TMEM45B: variants seen among roughly 807,000 people sequenced by gnomAD.
The protein encoded by TMEM45B is transmembrane protein 45B.
In TMEM45B, 29 loss-of-function variants were observed where a neutral mutation model predicts 27.3. That is an observed-to-expected ratio of 1.06 (90% CI 0.79 to 1.45). The LOEUF is 1.45. TMEM45B is among the 40% of genes most tolerant of loss of function. The probability of loss-of-function intolerance (pLI) is 0.00; values close to 1 mark genes in which losing one functional copy is unlikely to be tolerated. For missense variants in TMEM45B, 348 were observed against 343.9 expected (o/e 1.01, Z -0.09); for synonymous variants, 143 against 134.7 (o/e 1.06, Z -0.43).
At chr11:129,816,022 G>C (rs1373569540) in intron 1 of TMEM45B, 124 bp downstream of exon 1, 1 of 1,225,312 alleles carries the variant, frequency 8.2e-7, no homozygotes, top group Non-Finnish European at 1.0e-6. Context: ...CTGCGGGGGA[G>C]GGGACGCGGA....
chr11:129,856,660 C>G (rs1410722481), intron 4 of TMEM45B, among the ~76,000 whole-genome samples: 1 of 143,606 alleles, frequency 7.0e-6, no homozygotes, highest in Non-Finnish European at 1.5e-5. Flanking sequence ...CCCAGGTTCA[C>G]GCCATTCTCC....
At chr11:129,827,834 G>A (rs1250130289) in intron 1 of TMEM45B, among the ~76,000 whole-genome samples, 1 of 152,118 alleles carries the variant, frequency 6.6e-6, no homozygotes, top group Non-Finnish European at 1.5e-5. Flanking sequence ...GCCGAGCGTG[G>A]TGGTGCACAC....
intron 1 of TMEM45B, among the ~76,000 whole-genome samples, chr11:129,844,867 C>G (rs1023153804): frequency 6.6e-6 from 1 of 151,732 alleles, no homozygotes; most frequent in South Asian, 2.1e-4. Flanking sequence ...TGTTATATAC[C>G]CTGAGTATAT....
At chr11:129,817,470 A>G (rs184063270) in intron 1 of TMEM45B, among the ~76,000 whole-genome samples, 1 of 152,194 alleles carries the variant, frequency 6.6e-6, no homozygotes, top group Admixed American at 6.5e-5. Flanking sequence ...CTGATTTTAC[A>G]AGTGGAGGTG....
At chr11:129,848,514 A>T (rs1947800845) in intron 1 of TMEM45B, among the ~76,000 whole-genome samples, 1 of 150,512 alleles carries the variant, frequency 6.6e-6, no homozygotes, top group African/African-American at 2.5e-5. Context: ...AAAGAGAGGG[A>T]GAGGGAGAGG....
intron 1 of TMEM45B, among the ~76,000 whole-genome samples, chr11:129,827,623 G>C (rs1489882486): frequency 6.6e-6 from 1 of 152,122 alleles, no homozygotes; most frequent in African/African-American, 2.4e-5. Flanking sequence ...GACCAACATG[G>C]AGAAACCCCG....
intron 1 of TMEM45B, among the ~76,000 whole-genome samples, chr11:129,828,726 A>G (rs1947515399): frequency 6.6e-6 from 1 of 152,190 alleles, no homozygotes; most frequent in African/African-American, 2.4e-5. Context: ...GAATGTAGAA[A>G]AACGATGAAA....
intron 1 of TMEM45B, among the ~76,000 whole-genome samples, chr11:129,852,031 T>C (rs11221881): frequency 0.54 from 82,678 of 152,078 alleles, 22,594 homozygotes; most frequent in Middle Eastern, 0.6. Flanking sequence ...TTCTTATCAA[T>C]TTGTAAAGAC....
intron 5 of TMEM45B, among the ~76,000 whole-genome samples, chr11:129,857,716 T>C (rs1947950975): frequency 6.6e-6 from 1 of 152,188 alleles, no homozygotes; most frequent in South Asian, 2.1e-4. Flanking sequence ...TTTAAGCCTA[T>C]GGTGTGGTGG....
intron 1 of TMEM45B, among the ~76,000 whole-genome samples, chr11:129,819,785 A>ACCCT (rs1269805592): frequency 6.6e-6 from 1 of 151,038 alleles, no homozygotes; most frequent in East Asian, 2.0e-4. Flanking sequence ...TGAACTCCTG[A>ACCCT]CCCTGTGATC....
At chr11:129,848,550 A>T (rs1591448493) in intron 1 of TMEM45B, among the ~76,000 whole-genome samples, 1 of 152,228 alleles carries the variant, frequency 6.6e-6, no homozygotes, top group African/African-American at 2.4e-5. Flanking sequence ...GTTCTTGATG[A>T]TGGGTGGGAC....
chr11:129,851,543 C>CAAA lies in TMEM45B; in HGVS notation c.-8-919_-8-917dup, dbSNP rs71057982. Among the ~76,000 whole-genome samples, 98 of 54,958 alleles carry CAAA rather than the reference C, an allele frequency of 1.8e-3. 15 individuals carry two copies. Among genetic ancestry groups the CAAA allele is most frequent in the African/African-American group, 4.7e-3 (67 of 14,290 alleles). 36.1% of individuals were successfully genotyped at this position (54,958 alleles called of 152,430 possible). A position where few individuals can be genotyped will look rare whatever the true frequency, so the allele number is the denominator to read the frequency against. Reference sequence around the variant, plus strand: ...TGGGTGACAGAGTGAAACTCTGCCTCAAAAAAAAAAAAAAAGTCCCCTTCT... The same window carrying CAAA: ...TGGGTGACAGAGTGAAACTCTGCCTCAAAAAAAAAAAAAAAAAAGTCCCCTTCT... On this transcript the variant is annotated intron_variant, in intron 1 of 5. Coordinates refer to ENST00000281441, the MANE Select transcript of TMEM45B (RefSeq NM_138788.5).
At chr11:129,856,571 TTTTTC>T (rs1369668567) in intron 4 of TMEM45B, among the ~76,000 whole-genome samples, 4 of 86,566 alleles carry the variant, frequency 4.6e-5, no homozygotes, top group Non-Finnish European at 5.0e-5. Context: ...TTTTTTTTTT[TTTTTC>T]TGAGACAGAG....
At chr11:129,841,594 T>TTG (rs1947694760) in intron 1 of TMEM45B, among the ~76,000 whole-genome samples, 1 of 144,204 alleles carries the variant, frequency 6.9e-6, no homozygotes, top group Non-Finnish European at 1.5e-5. Flanking sequence ...GTTTTTTTGT[T>TTG]TTTTTTTTTT....
chr11:129,847,083 G>C (rs1347235720), intron 1 of TMEM45B, among the ~76,000 whole-genome samples: 4 of 152,194 alleles, frequency 2.6e-5, no homozygotes, highest in Non-Finnish European at 5.9e-5. Flanking sequence ...TATGAAAATA[G>C]CAGGGTGGGG....
At position 129,821,969 on chromosome 11, in the gene TMEM45B, A is replaced by G. The variant is rs780838722; in HGVS notation, c.-9+6071A>G. ...GTTCTGAGTGGTTTTCTTCTGTTAT[A>G]TAATTTCCTCGTTCTTTCTTTCTGA... On this transcript the variant is annotated intron_variant, in intron 1 of 5. Transcript: ENST00000281441. 2.6e-5 allele frequency among the ~76,000 whole-genome samples: 4 copies of G among 152,286 alleles called. No individual in the cohort carries two copies. The South Asian group carries it at 8.3e-4, about 32-fold the overall frequency.
chr11:129,858,526 A>G (rs1947962123), intron 5 of TMEM45B, 48 bp from the exon 6 acceptor site: 4 of 1,392,074 alleles, frequency 2.9e-6, no homozygotes, highest in Non-Finnish European at 4.0e-6. Context: ...TTGGTAATGG[A>G]TTAAGGGAAT....
chr11:129,823,765 AC>A (rs1947448326), intron 1 of TMEM45B, among the ~76,000 whole-genome samples: 1 of 151,924 alleles, frequency 6.6e-6, no homozygotes. Flanking sequence ...TCCCCATATC[AC>A]CCTACTAAAT....
intron 1 of TMEM45B, among the ~76,000 whole-genome samples, chr11:129,821,324 A>G (rs1024544926): frequency 1.1e-4 from 17 of 152,174 alleles, no homozygotes; most frequent in Non-Finnish European, 2.4e-4. Context: ...GCCGCCATCA[A>G]GAAGCATTTG....
Sources: gnomAD v4.1 joint callset for allele counts (sites outside exome capture counted in the v4.1 genomes callset) on GRCh38, gnomAD v4.1.1 for gene constraint, MANE v1.5 for transcripts, NCBI Gene and HGNC (gene_info 2026-07-23, HGNC 2026-07-21) for gene names.